The following CCDC85A variants were observed in gnomAD, a reference collection of about 807,000 sequenced individuals.
The protein encoded by CCDC85A is coiled-coil domain containing 85A.
Under a neutral mutation model 50.2 loss-of-function variants are expected in CCDC85A, and 38 were observed. The observed-to-expected ratio is 0.76, with a 90% CI of 0.58 to 0.99. CCDC85A has a LOEUF of 0.99. Ranked by LOEUF, CCDC85A falls within the 50% of genes least tolerant of loss-of-function variation. CCDC85A has a pLI of 0.00. For synonymous variants in CCDC85A, 366 were observed against 301.4 expected (o/e 1.21, Z -2.22); for missense variants, 820 against 742.0 (o/e 1.11, Z -1.22).
At chr2:56,322,208 A>G (rs1242823955) in intron 2 of CCDC85A, among the ~76,000 whole-genome samples, 1 of 152,238 alleles carries the variant, frequency 6.6e-6, no homozygotes. Context: ...AAACCTAGGC[A>G]AAACCATTCA....
intron 5 of CCDC85A, among the ~76,000 whole-genome samples, chr2:56,382,053 C>G (rs776599498): frequency 6.6e-6 from 1 of 151,874 alleles, no homozygotes; most frequent in Non-Finnish European, 1.5e-5. Context: ...CAAACAAACC[C>G]AAATCTGATT....
intron 3 of CCDC85A, among the ~76,000 whole-genome samples, chr2:56,366,540 A>T (rs1675803754): frequency 6.6e-6 from 1 of 152,100 alleles, no homozygotes; most frequent in Non-Finnish European, 1.5e-5. Flanking sequence ...TGCTATTTGT[A>T]TGTCTTCTTT....
chr2:56,220,750 A>G (rs770536034), intron 2 of CCDC85A, among the ~76,000 whole-genome samples: 1 of 152,052 alleles, frequency 6.6e-6, no homozygotes, highest in East Asian at 1.9e-4. Flanking sequence ...AAAGCTAAGT[A>G]AGGTCGGCTT....
At chr2:56,294,747 T>C (rs1173920255) in intron 2 of CCDC85A, among the ~76,000 whole-genome samples, 4 of 152,228 alleles carry the variant, frequency 2.6e-5, no homozygotes, top group Non-Finnish European at 5.9e-5. Context: ...GTTTCTGGGT[T>C]GCTGGATTGC....
At chr2:56,215,101 A>G (rs995601729) in intron 2 of CCDC85A, among the ~76,000 whole-genome samples, 2 of 151,930 alleles carry the variant, frequency 1.3e-5, no homozygotes, top group Admixed American at 6.6e-5. Context: ...TTGGGTTTAT[A>G]CCTAAGTATT....
At chr2:56,307,366 C>T (rs1230670334) in intron 2 of CCDC85A, among the ~76,000 whole-genome samples, 1 of 152,038 alleles carries the variant, frequency 6.6e-6, no homozygotes, top group East Asian at 1.9e-4. Context: ...AGTCCCAGTA[C>T]AATCAGGTCG....
At chr2:56,206,271 G>T (rs1194527002) in intron 2 of CCDC85A, among the ~76,000 whole-genome samples, 1 of 152,068 alleles carries the variant, frequency 6.6e-6, no homozygotes, top group Non-Finnish European at 1.5e-5. Context: ...GACAAGGAAG[G>T]CTATTAGCAT....
intron 2 of CCDC85A, among the ~76,000 whole-genome samples, chr2:56,221,328 A>G (rs1668318064): frequency 6.6e-6 from 1 of 151,850 alleles, no homozygotes; most frequent in East Asian, 1.9e-4. Context: ...GTTCCATTTA[A>G]CCGACTTAAC....
chr2:56,208,396 A>G (rs1180304655), intron 2 of CCDC85A, among the ~76,000 whole-genome samples: 1 of 152,174 alleles, frequency 6.6e-6, no homozygotes, highest in African/African-American at 2.4e-5. Context: ...TATACACATC[A>G]ACCGACATTG....
At chr2:56,373,096 A>G (rs1003592058) in intron 4 of CCDC85A, among the ~76,000 whole-genome samples, 1 of 152,214 alleles carries the variant, frequency 6.6e-6, no homozygotes, top group African/African-American at 2.4e-5. Flanking sequence ...GTACTAAATG[A>G]GATATAGTAG....
chr2:56,326,367 A>C (rs1673471782), intron 2 of CCDC85A, among the ~76,000 whole-genome samples: 1 of 152,162 alleles, frequency 6.6e-6, no homozygotes. Flanking sequence ...AATAAATGTC[A>C]TTAGCATTAT....
At chr2:56,255,201 G>A (rs1380937550) in intron 2 of CCDC85A, among the ~76,000 whole-genome samples, 8 of 152,158 alleles carry the variant, frequency 5.3e-5, no homozygotes, top group South Asian at 2.1e-4. Flanking sequence ...CAAGGAACTG[G>A]GTGGTATAGT....
intron 2 of CCDC85A, among the ~76,000 whole-genome samples, chr2:56,333,901 C>A (rs1471096244): frequency 6.6e-6 from 1 of 152,186 alleles, no homozygotes; most frequent in Non-Finnish European, 1.5e-5. Flanking sequence ...ACAAGACAAA[C>A]AGATTCCTGT....
At chr2:56,272,137 G>C (rs1286563847) in intron 2 of CCDC85A, among the ~76,000 whole-genome samples, 7 of 152,144 alleles carry the variant, frequency 4.6e-5, no homozygotes. Flanking sequence ...AATACTAGCA[G>C]ACAAGAGTAA....
intron 2 of CCDC85A, among the ~76,000 whole-genome samples, chr2:56,231,091 G>A (rs979272507): frequency 1.3e-5 from 2 of 152,090 alleles, no homozygotes; most frequent in East Asian, 1.9e-4. Context: ...TTAGTTCCTC[G>A]AATACTACTT....
intron 3 of CCDC85A, among the ~76,000 whole-genome samples, chr2:56,348,243 G>A (rs1197626837): frequency 1.3e-5 from 2 of 152,026 alleles, no homozygotes; most frequent in Non-Finnish European, 1.5e-5. Context: ...GTATATATTC[G>A]TTGTGCTCAG....
rs765626061 is a variant in CCDC85A at position 56,231,606 on chromosome 2, AT to A, written c.1240+38177del. ...GGTAAAAGAACTTAGCCTTGGCAGT[AT>A]TTTTTTTTTTAACTGTAGACCAAGG... On this transcript the variant is annotated intron_variant, in intron 2 of 5. Coordinates refer to ENST00000407595, the MANE Select transcript of CCDC85A (RefSeq NM_001080433.2). Among the ~76,000 whole-genome samples, 1,228 of 147,722 alleles carry A rather than the reference AT, an allele frequency of 8.3e-3. 11 individuals are homozygous for A. Among genetic ancestry groups the A allele is most frequent in the African/African-American group, 0.026 (1,061 of 40,618 alleles).
intron 2 of CCDC85A, among the ~76,000 whole-genome samples, chr2:56,260,481 C>T (rs1392307043): frequency 6.6e-6 from 1 of 152,206 alleles, no homozygotes; most frequent in African/African-American, 2.4e-5. Flanking sequence ...TGGGCTTACA[C>T]AAACATGATA....
intron 2 of CCDC85A, among the ~76,000 whole-genome samples, chr2:56,257,732 C>A (rs895368499): frequency 1.3e-5 from 2 of 152,040 alleles, no homozygotes; most frequent in Non-Finnish European, 2.9e-5. Context: ...AGAACAGATA[C>A]TGAAGGCAGG....
Sources: gnomAD v4.1 joint callset for allele counts (sites outside exome capture counted in the v4.1 genomes callset) on GRCh38, gnomAD v4.1.1 for gene constraint, MANE v1.5 for transcripts, NCBI Gene and HGNC (gene_info 2026-07-23, HGNC 2026-07-21) for gene names.